The following FAM222B variants were observed in gnomAD, a reference collection of about 807,000 sequenced individuals.
The protein encoded by FAM222B is protein FAM222B.
Under a neutral mutation model 38.0 loss-of-function variants are expected in FAM222B, and 12 were observed. The observed-to-expected ratio is 0.32, with a 90% CI of 0.20 to 0.51. The LOEUF (loss-of-function observed/expected upper bound fraction) is 0.51. FAM222B is among the 20% of genes least tolerant of loss of function. The probability of loss-of-function intolerance (pLI) is 0.97; values close to 1 mark genes in which losing one functional copy is unlikely to be tolerated. For synonymous variants in FAM222B, 329 were observed against 317.2 expected, an observed-to-expected ratio of 1.04 and a Z score of -0.40; for missense variants, 716 against 754.2, an observed-to-expected ratio of 0.95 and a Z score of 0.59.
intron 1 of FAM222B, among the ~76,000 whole-genome samples, chr17:28,822,864 T>C (rs183583298): frequency 0.034 from 2,720 of 79,848 alleles, 54 homozygotes; most frequent in East Asian, 0.061. Context: ...TATATATATA[T>C]ACACACATAT....
intron 1 of FAM222B, among the ~76,000 whole-genome samples, chr17:28,798,360 C>A (rs1597951603): frequency 6.6e-6 from 1 of 152,050 alleles, no homozygotes; most frequent in East Asian, 1.9e-4. Flanking sequence ...CCAGCCCGGG[C>A]AAACAGAGTA....
intron 1 of FAM222B, among the ~76,000 whole-genome samples, chr17:28,850,902 C>T (rs1168906628): frequency 1.3e-5 from 2 of 151,968 alleles, no homozygotes; most frequent in Non-Finnish European, 2.9e-5. Context: ...GGGCAAATCA[C>T]AAGGTTAGGA....
chr17:28,789,193 C>T (rs1351330339), intron 1 of FAM222B, among the ~76,000 whole-genome samples: 2 of 146,996 alleles, frequency 1.4e-5, no homozygotes, highest in Non-Finnish European at 3.0e-5. Flanking sequence ...CTTCTTCATT[C>T]TGTGTCCTTT....
intron 1 of FAM222B, among the ~76,000 whole-genome samples, chr17:28,819,905 C>T (rs1280330507): frequency 6.6e-6 from 1 of 152,160 alleles, no homozygotes. Flanking sequence ...CAGATAATGC[C>T]TGAGTCCAGC....
chr17:28,817,128 A>G (rs1004875030), intron 1 of FAM222B, among the ~76,000 whole-genome samples: 2 of 152,010 alleles, frequency 1.3e-5, no homozygotes, highest in Non-Finnish European at 2.9e-5. Flanking sequence ...AAAAATAGTA[A>G]TAAGCCCGGC....
chr17:28,787,949 CG>C (rs2036493129), intron 1 of FAM222B, among the ~76,000 whole-genome samples: 1 of 151,676 alleles, frequency 6.6e-6, no homozygotes, highest in African/African-American at 2.4e-5. Flanking sequence ...CTCAGCCTCC[CG>C]AGTGGCTAGG....
intron 1 of FAM222B, among the ~76,000 whole-genome samples, chr17:28,770,870 T>C (rs1057181298): frequency 2.6e-5 from 4 of 152,110 alleles, no homozygotes; most frequent in Non-Finnish European, 2.9e-5. Context: ...TGTTGGGCCA[T>C]ATCAGTTTCC....
intron 1 of FAM222B, among the ~76,000 whole-genome samples, chr17:28,853,163 A>T (rs1055097166): frequency 6.6e-6 from 1 of 150,932 alleles, no homozygotes; most frequent in Non-Finnish European, 1.5e-5. Context: ...ATTGCACTGA[A>T]GCCTGGGCAA....
intron 1 of FAM222B, among the ~76,000 whole-genome samples, chr17:28,821,870 G>A (rs961231121): frequency 3.9e-5 from 6 of 152,030 alleles, no homozygotes; most frequent in African/African-American, 1.4e-4. Flanking sequence ...GCTGAGGCAG[G>A]AGAATCGCTT....
upstream of FAM222B, among the ~76,000 whole-genome samples, chr17:28,843,083 A>G (rs946089108): frequency 1.3e-5 from 2 of 151,292 alleles, no homozygotes; most frequent in African/African-American, 4.9e-5. Context: ...TCCTACTTGC[A>G]CTTAAAGGCC....
intron 2 of FAM222B, among the ~76,000 whole-genome samples, chr17:28,762,890 A>T (rs1412140987): frequency 6.6e-6 from 1 of 151,580 alleles, no homozygotes; most frequent in Non-Finnish European, 1.5e-5. Context: ...GTGAGCCAAG[A>T]TCGCACCACT....
chr17:28,780,109 C>CTA (rs1597896599), intron 1 of FAM222B, among the ~76,000 whole-genome samples: 1 of 151,972 alleles, frequency 6.6e-6, no homozygotes, highest in South Asian at 2.1e-4. Flanking sequence ...GTAGGTGGGA[C>CTA]TATAGGTGCA....
chr17:28,770,551 C>T (rs1349086066), intron 1 of FAM222B, among the ~76,000 whole-genome samples: 1 of 151,486 alleles, frequency 6.6e-6, no homozygotes, highest in Non-Finnish European at 1.5e-5. Flanking sequence ...TACAGGTATG[C>T]ACCACCATGC....
Position 28,829,233 on chromosome 17 carries a change from AG to A in FAM222B, c.-41+13448del, listed in dbSNP as rs1055813266. On this transcript the variant is annotated intron_variant, in intron 1 of 2. Transcript: ENST00000581407. ...TCTCTCTACTCTTTTTTTTTTTTTG[AG>A]ACGTGGTTTCACTCTTGTTGCCTCA... is the stretch of plus-strand genomic sequence containing the variant. Among the ~76,000 whole-genome samples the A allele has an allele frequency of 3.9e-5, 5 of 128,034 alleles. No homozygotes were observed. In the South Asian group the frequency reaches 1.2e-3, roughly 31 times the overall value. The allele number at this position is 128,034 out of a possible 152,430, so 84.0% of individuals were successfully genotyped here. A position where few individuals can be genotyped will look rare whatever the true frequency, so the allele number is the denominator to read the frequency against.
intron 1 of FAM222B, among the ~76,000 whole-genome samples, chr17:28,802,280 T>G (rs1200576216): frequency 1.3e-5 from 2 of 151,978 alleles, no homozygotes; most frequent in African/African-American, 4.8e-5. Context: ...GTATTTTTAG[T>G]AGAGATAAGG....
intron 1 of FAM222B, among the ~76,000 whole-genome samples, chr17:28,822,832 A>AT (rs1423125822): frequency 2.3e-5 from 1 of 42,796 alleles, no homozygotes; most frequent in Non-Finnish European, 3.8e-5. Context: ...AAAAAAAAAA[A>AT]ATATATATAT....
chr17:28,808,066 G>A (rs775220382), intron 1 of FAM222B, among the ~76,000 whole-genome samples: 2 of 152,120 alleles, frequency 1.3e-5, no homozygotes, highest in Admixed American at 6.6e-5. Context: ...CTCTCCCAGG[G>A]CTCAGTTGGA....
Position 28,759,042 on chromosome 17 carries a change from G to C in FAM222B, c.917C>G (p.Ala306Gly), listed in dbSNP as rs773077335. 12 of 1,612,506 alleles carry C rather than the reference G, an allele frequency of 7.4e-6. No homozygotes were observed. The highest frequency in any genetic ancestry group is 1.0e-5 in the Non-Finnish European group (12 of 1,179,354). The change falls in exon 3 of 3, where the codon GCA (alanine) becomes GGA (glycine). Residue 306 changes from alanine (A) to glycine (G), a missense_variant. By Grantham distance (60) the Ala-to-Gly change is moderately conservative (BLOSUM62 0). Coordinates refer to ENST00000581407, the MANE Select transcript of FAM222B (RefSeq NM_001077498.3). The surrounding 1 kb of genome is among the most constrained non-coding windows in gnomAD (Gnocchi z 4.8). ...SPISRSLLIN[A>G]STRVSTHSVP... ...GCTGTGGGTCGACACCCGGGTGCTT[G>C]CATTGATGAGCAGACTGCGACTAAT... is the stretch of plus-strand genomic sequence containing the variant.
intron 1 of FAM222B, among the ~76,000 whole-genome samples, chr17:28,807,664 G>A (rs570866297): frequency 6.6e-6 from 1 of 152,336 alleles, no homozygotes; most frequent in Non-Finnish European, 1.5e-5. Context: ...GGGATTACAA[G>A]CATGAGTCAC....
Sources: gnomAD v4.1 joint callset for allele counts (sites outside exome capture counted in the v4.1 genomes callset) on GRCh38, gnomAD v4.1.1 for gene constraint, Gnocchi (gnomAD v3.1) non-coding constraint, MANE v1.5 for transcripts, NCBI Gene and HGNC (gene_info 2026-07-23, HGNC 2026-07-21) for gene names.